IL1RL2: variants seen among roughly 807,000 people sequenced by gnomAD.
The protein encoded by IL1RL2 is interleukin-1 receptor-like 2.
A neutral mutation model predicts 66.8 loss-of-function variants in IL1RL2; 68 were observed. The ratio of observed to expected loss-of-function variants is 1.02; its 90% CI spans 0.84 to 1.25. IL1RL2 has a LOEUF of 1.25. Among genes scored for constraint, IL1RL2 ranks in the 50% most tolerant of loss-of-function variants. The probability of loss-of-function intolerance (pLI) is 0.00; values close to 1 mark genes in which losing one functional copy is unlikely to be tolerated. For missense variants in IL1RL2, 729 were observed against 709.3 expected, an observed-to-expected ratio of 1.03 and a Z score of -0.32; for synonymous variants, 305 against 264.6, an observed-to-expected ratio of 1.15 and a Z score of -1.48.
chr2:102,201,706 G>A lies in IL1RL2; in HGVS notation c.640G>A (p.Val214Met). The change falls in exon 5 of 12, where the codon GTG becomes ATG. Residue 214 changes from valine (V) to methionine (M), a missense_variant. Transcript: ENST00000264257. ...GTACGAGGTTTTAAATGGCATCACT[G>A]TGAGCATTAGTAAGTATGCTCATGT... is the stretch of plus-strand genomic sequence containing the variant. ...KQYEVLNGIT[V>M]SITERAGYGG... 6.2e-7 allele frequency: 1 copy of A among 1,613,624 alleles called. No individual in the cohort carries two copies. The highest frequency in any genetic ancestry group is 8.5e-7 in the Non-Finnish European group (1 of 1,179,748).
chr2:102,212,395 G>C (rs993873986), intron 6 of IL1RL2, among the ~76,000 whole-genome samples: 5 of 152,106 alleles, frequency 3.3e-5, no homozygotes, highest in African/African-American at 1.2e-4. Context: ...TGGCAATGAG[G>C]ACTATGGGCC....
At chr2:102,215,194 C>T (rs984749499) in intron 6 of IL1RL2, among the ~76,000 whole-genome samples, 1 of 152,198 alleles carries the variant, frequency 6.6e-6, no homozygotes, top group African/African-American at 2.4e-5. Flanking sequence ...GTTCTCATGG[C>T]TATATTGCTC....
intron 4 of IL1RL2, 115 bp from the exon 5 acceptor site, chr2:102,201,441 C>T: frequency 1.2e-6 from 1 of 868,914 alleles, no homozygotes; most frequent in African/African-American, 1.7e-5. Flanking sequence ...TTTCTATTTA[C>T]CTAGCTAGCT....
rs150256288 is a variant in IL1RL2, at chr2:102,211,124, G to A, written c.650-976G>A. Among the ~76,000 whole-genome samples the A allele has an allele frequency of 5.9e-5, 9 of 152,248 alleles. No individual in the cohort carries two copies. The East Asian group carries it at 1.7e-3, about 29-fold the overall frequency. Reference sequence around the variant, plus strand: ...ACAAGCTGGGGATAACTTTTGTTTGGGACATGCTGCATTTAAATAGTTTGT... The same window carrying A: ...ACAAGCTGGGGATAACTTTTGTTTGAGACATGCTGCATTTAAATAGTTTGT... On this transcript the variant is annotated intron_variant, in intron 5 of 11. Transcript: ENST00000264257.
intron 11 of IL1RL2, among the ~76,000 whole-genome samples, chr2:102,237,908 C>T (rs574458323): frequency 1.0e-3 from 154 of 152,260 alleles, no homozygotes; most frequent in African/African-American, 3.4e-3. Flanking sequence ...CTGGGCTTGG[C>T]GCAAATATGA....
intron 4 of IL1RL2, among the ~76,000 whole-genome samples, chr2:102,196,157 C>G (rs1687766307): frequency 6.6e-6 from 1 of 152,190 alleles, no homozygotes; most frequent in Admixed American, 6.5e-5. Flanking sequence ...CTATGACTAG[C>G]AATCCTAAGT....
At chr2:102,205,842 C>T (rs1205260981) in intron 5 of IL1RL2, among the ~76,000 whole-genome samples, 1 of 152,142 alleles carries the variant, frequency 6.6e-6, no homozygotes, top group East Asian at 1.9e-4. Context: ...GTTTCTCTAC[C>T]TCCTCTGTAA....
At chr2:102,237,420 C>G (rs933953517) in intron 11 of IL1RL2, among the ~76,000 whole-genome samples, 3 of 152,184 alleles carry the variant, frequency 2.0e-5, no homozygotes, top group African/African-American at 4.8e-5. Flanking sequence ...AAGGACGAAG[C>G]GTCCTCAGCC....
chr2:102,200,838 T>C (rs1314121283), intron 4 of IL1RL2, among the ~76,000 whole-genome samples: 1 of 151,914 alleles, frequency 6.6e-6, no homozygotes, highest in Non-Finnish European at 1.5e-5. Flanking sequence ...TGGTTGGGTG[T>C]GAGGTTGTTG....
At chr2:102,227,428 A>T (rs1397358822) in intron 9 of IL1RL2, among the ~76,000 whole-genome samples, 1 of 152,242 alleles carries the variant, frequency 6.6e-6, no homozygotes, top group East Asian at 1.9e-4. Flanking sequence ...TTCCAAATTA[A>T]ATTTCTGAAT....
At chr2:102,189,509 T>C (rs1453141367) in intron 3 of IL1RL2, among the ~76,000 whole-genome samples, 199 bp downstream of exon 3, 1 of 152,270 alleles carries the variant, frequency 6.6e-6, no homozygotes, top group Non-Finnish European at 1.5e-5. Context: ...GATATGCATC[T>C]TTCCCTATGG....
intron 8 of IL1RL2, among the ~76,000 whole-genome samples, chr2:102,223,317 A>T (rs779097784): frequency 2.0e-5 from 3 of 152,118 alleles, no homozygotes; most frequent in Non-Finnish European, 4.4e-5. Context: ...ACACCTCCAG[A>T]TTTGAATCTT....
intron 8 of IL1RL2, 124 bp downstream of exon 8, chr2:102,220,141 C>T (rs1578165827): frequency 1.2e-6 from 1 of 812,802 alleles, no homozygotes; most frequent in East Asian, 2.8e-5. Flanking sequence ...AAGGGACAAA[C>T]TCAGTATGAA....
chr2:102,205,415 C>T (rs1688621283), intron 5 of IL1RL2, among the ~76,000 whole-genome samples: 1 of 152,124 alleles, frequency 6.6e-6, no homozygotes, highest in Admixed American at 6.5e-5. Context: ...TGAAGTACTC[C>T]CTTTAACATT....
At chr2:102,224,101 G>T (rs1690387652) in intron 8 of IL1RL2, among the ~76,000 whole-genome samples, 1 of 152,222 alleles carries the variant, frequency 6.6e-6, no homozygotes, top group Admixed American at 6.5e-5. Flanking sequence ...GTGGCCTAGG[G>T]CAGGTGGCAA....
downstream of IL1RL2, among the ~76,000 whole-genome samples, chr2:102,241,816 C>T (rs544677964): frequency 6.6e-6 from 1 of 152,276 alleles, no homozygotes; most frequent in African/African-American, 2.4e-5. Flanking sequence ...GGGTATTTCA[C>T]GATGTTACAG....
chr2:102,235,334 C>T (rs1378104618), intron 11 of IL1RL2, 57 bp downstream of exon 11: 17 of 1,566,586 alleles, frequency 1.1e-5, no homozygotes, highest in Middle Eastern at 2.3e-4. Flanking sequence ...TCTATCATTG[C>T]GTGGTGGCTC....
chr2:102,190,020 C>T (rs1687095521), intron 3 of IL1RL2, among the ~76,000 whole-genome samples: 1 of 152,206 alleles, frequency 6.6e-6, no homozygotes, highest in South Asian at 2.1e-4. Flanking sequence ...AATGAGCCTC[C>T]TATGAGCGCT....
chr2:102,229,098 A>C (rs1362219709), intron 9 of IL1RL2, among the ~76,000 whole-genome samples: 1 of 152,248 alleles, frequency 6.6e-6, no homozygotes, highest in Non-Finnish European at 1.5e-5. Flanking sequence ...TTCTGGTTTC[A>C]TCAGGCCTAA....
Sources: gnomAD v4.1 joint callset for allele counts (sites outside exome capture counted in the v4.1 genomes callset) on GRCh38, gnomAD v4.1.1 for gene constraint, MANE v1.5 for transcripts, NCBI Gene and HGNC (gene_info 2026-07-23, HGNC 2026-07-21) for gene names.